The following IL15 variants were observed in gnomAD, a reference collection of about 807,000 sequenced individuals.
IL15 encodes the protein interleukin 15.
Under a neutral mutation model 19.6 loss-of-function variants are expected in IL15, and 11 were observed. The ratio of observed to expected loss-of-function variants is 0.56; its 90% CI spans 0.35 to 0.93. The LOEUF (loss-of-function observed/expected upper bound fraction) is 0.93. Among genes scored for constraint, IL15 ranks in the 40% least tolerant of loss-of-function variants. The probability of loss-of-function intolerance (pLI) is 0.01; values close to 1 mark genes in which losing one functional copy is unlikely to be tolerated. For synonymous variants in IL15, 58 were observed against 59.6 expected (o/e 0.97, Z 0.12); for missense variants, 197 against 186.5 (o/e 1.06, Z -0.33).
intron 2 of IL15, among the ~76,000 whole-genome samples, chr4:141,682,729 G>A (rs760515273): frequency 1.9e-4 from 29 of 152,226 alleles, no homozygotes; most frequent in South Asian, 6.2e-4. Context: ...GGCCGAGGCG[G>A]GTGGTTCACG....
At chr4:141,729,735 A>C in intron 6 of IL15, 112 bp from the exon 7 acceptor site, 1 of 631,006 alleles carries the variant, frequency 1.6e-6, no homozygotes, top group Non-Finnish European at 2.7e-6. Flanking sequence ...TCTTAAGGAT[A>C]TTGTGTATCT....
chr4:141,703,368 G>A (rs1250616676), intron 2 of IL15, among the ~76,000 whole-genome samples: 1 of 152,102 alleles, frequency 6.6e-6, no homozygotes, highest in African/African-American at 2.4e-5. Context: ...GAGCTCATTG[G>A]CTAACTTTCT....
At position 141,667,493 on chromosome 4, in the gene IL15, T is replaced by C. The variant is rs1344649813; in HGVS notation, c.-100+11186T>C. Among the ~76,000 whole-genome samples, 6 of 152,190 alleles carry C rather than the reference T, an allele frequency of 3.9e-5. No individual in the cohort carries two copies. The East Asian group carries it at 1.2e-3, about 29-fold the overall frequency. ...GGTCACAGAAGTTTTCTGTATTGAT[T>C]GTTGTGGTGTGAGAGTAGAGAAAAA... On this transcript the variant is annotated intron_variant, in intron 2 of 7. Coordinates refer to ENST00000320650, the MANE Select transcript of IL15 (RefSeq NM_000585.5).
At chr4:141,689,230 T>G (rs1344757858) in intron 2 of IL15, among the ~76,000 whole-genome samples, 1 of 152,154 alleles carries the variant, frequency 6.6e-6, no homozygotes, top group Admixed American at 6.6e-5. Context: ...GCTTCCACAG[T>G]GTGGAAGGGG....
In IL15 at chr4:141,719,379, AG is replaced by A. The variant is rs1579049630; in HGVS notation, c.-84del. 7.0e-6 allele frequency: 5 copies of A among 712,182 alleles called. No homozygotes were observed. The highest frequency in any genetic ancestry group is 2.6e-5 in the East Asian group (1 of 38,636). 44.1% of individuals were successfully genotyped at this position (712,182 alleles called of 1,614,324 possible). ...ACTTTACCCTAGATTGTATTGTAGG[AG>A]GCATTGTGGATGGATGGCTGCTGGA... On this transcript the variant is annotated 5_prime_UTR_variant, in exon 3 of 8. Coordinates refer to ENST00000320650, the MANE Select transcript of IL15 (RefSeq NM_000585.5).
intron 2 of IL15, among the ~76,000 whole-genome samples, chr4:141,711,248 C>A (rs1729708313): frequency 1.3e-5 from 2 of 151,980 alleles, no homozygotes; most frequent in Admixed American, 1.3e-4. Context: ...TAGAGAAAGC[C>A]CATTGCAAGT....
At chr4:141,655,782 C>G (rs1313220000) in intron 1 of IL15, among the ~76,000 whole-genome samples, 1 of 152,128 alleles carries the variant, frequency 6.6e-6, no homozygotes, top group Non-Finnish European at 1.5e-5. Context: ...ACGTTTACAA[C>G]TTATTTTCAA....
At chr4:141,732,206 A>G (rs990515423) in intron 7 of IL15, among the ~76,000 whole-genome samples, 5 of 152,180 alleles carry the variant, frequency 3.3e-5, no homozygotes, top group African/African-American at 1.2e-4. Flanking sequence ...AGCCTCCCTA[A>G]AAGAGTACCT....
At chr4:141,728,532 G>T (rs1252989194) in intron 6 of IL15, among the ~76,000 whole-genome samples, 2 of 152,076 alleles carry the variant, frequency 1.3e-5, no homozygotes, top group Non-Finnish European at 2.9e-5. Flanking sequence ...TTAATACCCT[G>T]ACATTTCCTA....
chr4:141,719,164 T>C (rs1729988578), intron 2 of IL15: 2 of 281,112 alleles, frequency 7.1e-6, no homozygotes, highest in South Asian at 3.3e-4. Flanking sequence ...GGCTGTCATG[T>C]ACTTGCTATG....
chr4:141,672,385 G>A (rs1040615471), intron 2 of IL15, among the ~76,000 whole-genome samples: 8 of 152,170 alleles, frequency 5.3e-5, no homozygotes, highest in Non-Finnish European at 1.2e-4. Flanking sequence ...TGGTTACAGA[G>A]CATGGAGTTG....
intron 5 of IL15, among the ~76,000 whole-genome samples, chr4:141,724,702 G>A (rs1039633296): frequency 5.3e-5 from 8 of 152,014 alleles, no homozygotes; most frequent in Admixed American, 4.6e-4. Context: ...TAACTTAGAG[G>A]AAATGGACCA....
In IL15 at chr4:141,666,168, T is replaced by A. The variant is rs565600392; in HGVS notation, c.-100+9861T>A. On this transcript the variant is annotated intron_variant, in intron 2 of 7. Transcript: ENST00000320650. ...CAGGCTGGAGTGCAGTGGCACGATC[T>A]CGGCTCACTGCAAGCTCCGCCTCCC... 3.8e-3 allele frequency among the ~76,000 whole-genome samples: 574 copies of A among 152,002 alleles called. 1 individual carries two copies. The highest frequency in any genetic ancestry group is 6.5e-3 in the Non-Finnish European group (445 of 67,968).
At chr4:141,646,572 T>G (rs1727232402) in intron 1 of IL15, among the ~76,000 whole-genome samples, 2 of 152,210 alleles carry the variant, frequency 1.3e-5, no homozygotes, top group South Asian at 4.1e-4. Flanking sequence ...GTTTGGGAAT[T>G]CAGATTATTT....
chr4:141,709,054 T>A (rs1028274398), intron 2 of IL15, among the ~76,000 whole-genome samples: 25 of 137,458 alleles, frequency 1.8e-4, no homozygotes, highest in Admixed American at 8.9e-4. Context: ...ATATTGAAAA[T>A]TTTCAATATT....
At chr4:141,705,716 G>A (rs1048332339) in intron 2 of IL15, among the ~76,000 whole-genome samples, 7 of 151,946 alleles carry the variant, frequency 4.6e-5, no homozygotes, top group Non-Finnish European at 1.0e-4. Flanking sequence ...TGTTTCTCCT[G>A]TTAGGTCTAA....
chr4:141,707,710 T>TTTGAGGTAGTGGCATAGTTTTC (rs1729570476), intron 2 of IL15, among the ~76,000 whole-genome samples: 2 of 152,148 alleles, frequency 1.3e-5, no homozygotes, highest in Non-Finnish European at 2.9e-5. Flanking sequence ...TGTGAGAGCT[T>TTTGAGGTAGTGGCATAGTTTTC]TTGAGGTAGT....
intron 2 of IL15, among the ~76,000 whole-genome samples, chr4:141,688,284 T>G (rs147714150): frequency 6.6e-6 from 1 of 152,346 alleles, no homozygotes; most frequent in Non-Finnish European, 1.5e-5. Context: ...ATACCTTGTG[T>G]ACATAAACCA....
At chr4:141,710,023 C>A (rs1202335035) in intron 2 of IL15, among the ~76,000 whole-genome samples, 1 of 151,838 alleles carries the variant, frequency 6.6e-6, no homozygotes, top group Non-Finnish European at 1.5e-5. Flanking sequence ...CACTAAAAAT[C>A]ATTATTTTGC....
Sources: gnomAD v4.1 joint callset for allele counts (sites outside exome capture counted in the v4.1 genomes callset) on GRCh38, gnomAD v4.1.1 for gene constraint, MANE v1.5 for transcripts, NCBI Gene and HGNC (gene_info 2026-07-23, HGNC 2026-07-21) for gene names.